Variants in A1CF observed in about 807,000 individuals in gnomAD.
A1CF encodes the protein APOBEC1 complementation factor.
A neutral mutation model predicts 68.9 loss-of-function variants in A1CF; 48 were observed. The observed-to-expected ratio is 0.70, with a 90% CI of 0.55 to 0.89. A1CF has a LOEUF of 0.89. Among genes scored for constraint, A1CF ranks in the 40% least tolerant of loss-of-function variants. A1CF has a pLI of 0.00. For missense variants in A1CF, 653 were observed against 718.9 expected (o/e 0.91, Z 1.05); for synonymous variants, 272 against 260.4 (o/e 1.04, Z -0.43).
At chr10:50,833,203 C>G (rs1316975696) in intron 6 of A1CF, among the ~76,000 whole-genome samples, 1 of 152,138 alleles carries the variant, frequency 6.6e-6, no homozygotes, top group Non-Finnish European at 1.5e-5. Flanking sequence ...ATCATTGATT[C>G]AAATCATGGG....
chr10:50,821,948 C>T (rs1038869771), intron 7 of A1CF, among the ~76,000 whole-genome samples: 1 of 152,120 alleles, frequency 6.6e-6, no homozygotes, highest in African/African-American at 2.4e-5. Flanking sequence ...TATAAATACA[C>T]TCATACAGAA....
At chr10:50,876,563 T>A (rs553365805) in intron 1 of A1CF, among the ~76,000 whole-genome samples, 2 of 152,346 alleles carry the variant, frequency 1.3e-5, no homozygotes, top group African/African-American at 4.8e-5. Flanking sequence ...TGGGCCTGCA[T>A]GACAGAGCAG....
chr10:50,815,376 CTGAT>C (rs1446121582), intron 9 of A1CF, among the ~76,000 whole-genome samples: 1 of 152,070 alleles, frequency 6.6e-6, no homozygotes, highest in African/African-American at 2.4e-5. Context: ...TATTAGCAGT[CTGAT>C]TGAGGGTTTT....
At chr10:50,882,945 G>A (rs1841848091) in intron 1 of A1CF, among the ~76,000 whole-genome samples, 1 of 152,134 alleles carries the variant, frequency 6.6e-6, no homozygotes, top group South Asian at 2.1e-4. Context: ...CCATGGGTTT[G>A]GGTGAAAAGG....
At chr10:50,847,333 T>C (rs1435107675) in intron 3 of A1CF, among the ~76,000 whole-genome samples, 1 of 152,174 alleles carries the variant, frequency 6.6e-6, no homozygotes, top group Admixed American at 6.5e-5. Context: ...GAGGACACAA[T>C]TCTAACTATA....
At chr10:50,826,119 T>A (rs888350914) in intron 7 of A1CF, among the ~76,000 whole-genome samples, 1 of 152,134 alleles carries the variant, frequency 6.6e-6, no homozygotes, top group Non-Finnish European at 1.5e-5. Context: ...AAATATTTAT[T>A]GAGCAATCAT....
intron 3 of A1CF, among the ~76,000 whole-genome samples, chr10:50,848,035 AACT>A (rs1196689468): frequency 6.6e-6 from 1 of 152,154 alleles, no homozygotes; most frequent in Non-Finnish European, 1.5e-5. Flanking sequence ...AAAAAACAAC[AACT>A]ATCTCCAATT....
rs1837818348 is a variant in A1CF, at chr10:50,806,382, G to C, written c.*347C>G. The C allele has an allele frequency of 6.3e-6, 1 of 159,530 alleles. No homozygotes were observed. Among genetic ancestry groups the C allele is most frequent in the Non-Finnish European group, 1.4e-5 (1 of 73,262 alleles). 9.9% of individuals were successfully genotyped at this position (159,530 alleles called of 1,614,324 possible). A position where few individuals can be genotyped will look rare whatever the true frequency, so the allele number is the denominator to read the frequency against. On this transcript the variant is annotated 3_prime_UTR_variant, in exon 13 of 13. Coordinates refer to ENST00000373997, the MANE Select transcript of A1CF (RefSeq NM_014576.4). The stretch of plus-strand genomic sequence containing the variant: ...TCCCTTGATTATTACTGACTGCCCA[G>C]GTCTGCTCCATCCCTCCCAAATCTT...
chr10:50,883,390 G>T (rs1841868772), intron 1 of A1CF, among the ~76,000 whole-genome samples: 1 of 152,148 alleles, frequency 6.6e-6, no homozygotes, highest in Non-Finnish European at 1.5e-5. Flanking sequence ...TATGCCCAAG[G>T]TCACAAACCT....
intron 2 of A1CF, 128 bp from the exon 3 acceptor site, chr10:50,860,113 T>G (rs1287200813): frequency 6.8e-6 from 4 of 589,980 alleles, no homozygotes; most frequent in African/African-American, 1.9e-5. Context: ...AACTAAGAGT[T>G]ACATACAAAC....
At chr10:50,836,851 C>T (rs1839521971) in intron 5 of A1CF, among the ~76,000 whole-genome samples, 1 of 151,864 alleles carries the variant, frequency 6.6e-6, no homozygotes, top group South Asian at 2.1e-4. Flanking sequence ...CATCCATGTC[C>T]CTACAAAGGA....
chr10:50,849,573 A>G (rs1293590212), intron 3 of A1CF, among the ~76,000 whole-genome samples: 1 of 152,198 alleles, frequency 6.6e-6, no homozygotes, highest in Non-Finnish European at 1.5e-5. Context: ...ATTTAGCTTT[A>G]TCATCATATA....
rs547102685 is a variant in A1CF at position 50,839,743 on chromosome 10, G to A, written c.365+2119C>T. Among the ~76,000 whole-genome samples, 20 of 152,220 alleles carry A rather than the reference G, an allele frequency of 1.3e-4. No homozygotes were observed. The East Asian group carries it at 1.7e-3, about 13-fold the overall frequency. On this transcript the variant is annotated intron_variant, in intron 5 of 12. Transcript: ENST00000373997. ...CAACTGATCTTCCTGTGGCTAAGGC[G>A]TTGTTTGTTTGTTTGTTTTTTGAGA...
intron 8 of A1CF, 193 bp from the exon 9 acceptor site, chr10:50,816,472 A>AT: frequency 1.7e-6 from 1 of 605,018 alleles, no homozygotes; most frequent in East Asian, 2.8e-5. Context: ...GGTAAGTTGC[A>AT]TAAGATGCCA....
chr10:50,866,021 T>C (rs1407111649), intron 1 of A1CF, among the ~76,000 whole-genome samples: 1 of 152,232 alleles, frequency 6.6e-6, no homozygotes, highest in Non-Finnish European at 1.5e-5. Context: ...AAACTTTGGA[T>C]CAGCAATTTT....
At chr10:50,850,412 CT>C (rs1446147220) in intron 3 of A1CF, among the ~76,000 whole-genome samples, 1 of 152,064 alleles carries the variant, frequency 6.6e-6, no homozygotes, top group African/African-American at 2.4e-5. Flanking sequence ...AGCAAATAGG[CT>C]TTTTTAAATG....
At chr10:50,816,490 T>A in intron 8 of A1CF, 2 of 565,810 alleles carry the variant, frequency 3.5e-6, no homozygotes, top group South Asian at 4.6e-5. Flanking sequence ...CCAACAGGTT[T>A]GACAGTGACA....
chr10:50,825,609 T>A (rs1838882627), intron 7 of A1CF, among the ~76,000 whole-genome samples: 1 of 152,282 alleles, frequency 6.6e-6, no homozygotes, highest in Middle Eastern at 3.4e-3. Flanking sequence ...TGGGAAATGG[T>A]AATTTGGATA....
At chr10:50,873,204 C>T (rs1257486991) in intron 1 of A1CF, among the ~76,000 whole-genome samples, 2 of 152,078 alleles carry the variant, frequency 1.3e-5, no homozygotes, top group South Asian at 2.1e-4. Context: ...GATTCACTCA[C>T]CTTGGCCTCC....
Sources: gnomAD v4.1 joint callset for allele counts (sites outside exome capture counted in the v4.1 genomes callset) on GRCh38, gnomAD v4.1.1 for gene constraint, MANE v1.5 for transcripts, NCBI Gene and HGNC (gene_info 2026-07-23, HGNC 2026-07-21) for gene names.